The following CD164 variants were observed in gnomAD, a reference collection of about 807,000 sequenced individuals.
CD164 encodes CD164 molecule.
CD164 carries 11 observed loss-of-function variants against 24.6 expected under a neutral mutation model. That is an observed-to-expected ratio of 0.45 (90% CI 0.28 to 0.74). The LOEUF is 0.74. Among genes scored for constraint, CD164 ranks in the 30% least tolerant of loss-of-function variants. The pLI, the probability that CD164 is intolerant of heterozygous loss-of-function variation, is 0.13. For missense variants in CD164, 295 were observed against 243.7 expected (o/e 1.21, Z -1.40); for synonymous variants, 126 against 100.3 (o/e 1.26, Z -1.53).
intron 4 of CD164, chr6:109,372,890 A>G (rs551612723): frequency 6.6e-6 from 1 of 152,324 alleles, no homozygotes; most frequent in South Asian, 2.1e-4. Flanking sequence ...GGTAAAAACT[A>G]TTTCTTTTTA....
chr6:109,366,964 C>T lies in CD164; in HGVS notation c.*1887G>A, dbSNP rs865903860. ...TGACATGAATGTGTGTCAGGGAATT[C>T]ATACCCAGGTAAATGACAATTACAT... On this transcript the variant is annotated 3_prime_UTR_variant, in exon 6 of 6. Transcript: ENST00000310786. The T allele has an allele frequency of 6.6e-6, 1 of 152,316 alleles. No individual in the cohort carries two copies. Among genetic ancestry groups the T allele is most frequent in the Middle Eastern group, 3.4e-3 (1 of 294 alleles). 9.4% of individuals were successfully genotyped at this position (152,316 alleles called of 1,614,324 possible). A position where few individuals can be genotyped will look rare whatever the true frequency, so the allele number is the denominator to read the frequency against.
chr6:109,381,548 T>C (rs974408311), intron 1 of CD164: 3 of 702,622 alleles, frequency 4.3e-6, no homozygotes, highest in South Asian at 3.0e-5. Context: ...ACCCGGTACA[T>C]ACATGGGTAC....
chr6:109,382,062 T>C, intron 1 of CD164, 142 bp downstream of exon 1: 1 of 651,438 alleles, frequency 1.5e-6, no homozygotes, highest in Non-Finnish European at 2.2e-6. Context: ...CTGGCCGCCA[T>C]GTTGCCGGAG....
intron 4 of CD164, 22 bp from the exon 5 acceptor site, chr6:109,370,489 T>G (rs1479820847): frequency 6.2e-7 from 1 of 1,602,454 alleles, no homozygotes; most frequent in East Asian, 2.2e-5. Context: ...ACAAAATGTC[T>G]TTTTAAAAAA....
Position 109,370,125 on chromosome 6 carries a change from T to C in CD164, c.427+286A>G, listed in dbSNP as rs2275649. Among the ~76,000 whole-genome samples, 10,310 of 152,208 alleles carry C rather than the reference T, an allele frequency of 0.068. 427 individuals carry two copies. Among genetic ancestry groups the C allele is most frequent in the South Asian group, 0.14 (678 of 4,822 alleles). On this transcript the variant is annotated intron_variant, in intron 5 of 5. Coordinates refer to ENST00000310786, the MANE Select transcript of CD164 (RefSeq NM_006016.6). ...CTAACGGTAATCAGAAGTTACAAATTAGATTTTACATACAAGTTGTACTGA... is the reference window on the plus strand; with the variant it reads ...CTAACGGTAATCAGAAGTTACAAATCAGATTTTACATACAAGTTGTACTGA...
rs1771842024 is a variant in CD164, at chr6:109,382,464, G to A, written c.-86C>T. 3.8e-6 allele frequency: 5 copies of A among 1,311,360 alleles called. No individual in the cohort carries two copies. Among genetic ancestry groups the A allele is most frequent in the Admixed American group, 6.0e-5 (2 of 33,140 alleles). 81.2% of individuals were successfully genotyped at this position (1,311,360 alleles called of 1,614,324 possible). A position where few individuals can be genotyped will look rare whatever the true frequency, so the allele number is the denominator to read the frequency against. ...CAATCCCCTGCGGCGCCGCCTCCGA[G>A]ACTACGCTCCCCCGCGGGAGCGCGC... is the stretch of plus-strand genomic sequence containing the variant. On this transcript the variant is annotated 5_prime_UTR_variant, in exon 1 of 6. Transcript: ENST00000310786.
At chr6:109,374,232 C>A (rs1000223842) in intron 4 of CD164, among the ~76,000 whole-genome samples, 4 of 152,234 alleles carry the variant, frequency 2.6e-5, no homozygotes, top group South Asian at 2.1e-4. Context: ...TATTTTTAGC[C>A]AAGAGCTCTT....
intron 1 of CD164, 106 bp downstream of exon 1, chr6:109,382,089 AGCGCGGCCC>A: frequency 1.1e-6 from 1 of 927,940 alleles, no homozygotes; most frequent in Non-Finnish European, 1.4e-6. Flanking sequence ...CCGCACCCCG[AGCGCGGCCC>A]GCCCGCCCGA....
In CD164 at chr6:109,366,760, A is replaced by C. The variant is rs1184054667; in HGVS notation, c.*2091T>G. The stretch of plus-strand genomic sequence containing the variant: ...AAAAAAACCCAAAAATTAATGGCTC[A>C]AGATACTACATTGCTAAAGTTAGGG... On this transcript the variant is annotated 3_prime_UTR_variant, in exon 6 of 6. Transcript: ENST00000310786. 2.0e-5 allele frequency: 3 copies of C among 152,642 alleles called. No homozygotes were observed. The highest frequency in any genetic ancestry group is 4.4e-5 in the Non-Finnish European group (3 of 68,042). 9.5% of individuals were successfully genotyped at this position (152,642 alleles called of 1,614,324 possible).
rs1771615115 is a variant in CD164, at chr6:109,379,574, C to T, written c.259+5G>A. 1 of 1,601,344 alleles carries T rather than the reference C, an allele frequency of 6.2e-7. No individual in the cohort carries two copies. The highest frequency in any genetic ancestry group is 8.5e-7 in the Non-Finnish European group (1 of 1,174,124). On this transcript the variant is annotated splice_donor_5th_base_variant and intron_variant, in intron 2 of 5. Coordinates refer to ENST00000310786, the MANE Select transcript of CD164 (RefSeq NM_006016.6). Reference sequence around the variant, plus strand: ...AAACAGTTTTGCATCCCCAAAGTTTCTTACCTTTACATTCTATCCAAAAGC... The same window carrying T: ...AAACAGTTTTGCATCCCCAAAGTTTTTTACCTTTACATTCTATCCAAAAGC...
chr6:109,379,018 T>A (rs1199183902), intron 2 of CD164, among the ~76,000 whole-genome samples: 1 of 152,212 alleles, frequency 6.6e-6, no homozygotes, highest in African/African-American at 2.4e-5. Context: ...TCAATGTACG[T>A]CCCTTTAGCG....
chr6:109,374,813 G>A (rs1354898215), intron 4 of CD164, among the ~76,000 whole-genome samples: 1 of 152,078 alleles, frequency 6.6e-6, no homozygotes, highest in East Asian at 1.9e-4. Context: ...CACTTCAGAG[G>A]CTCTCTCCAA....
chr6:109,370,313 C>T (rs900426965), intron 5 of CD164, 98 bp downstream of exon 5: 12 of 940,010 alleles, frequency 1.3e-5, no homozygotes, highest in East Asian at 2.5e-5. Context: ...AGTTCCATAA[C>T]CATTAACGAA....
intron 1 of CD164, chr6:109,381,552 T>A (rs1313491764): frequency 2.8e-6 from 2 of 702,600 alleles, no homozygotes; most frequent in East Asian, 2.7e-5. Flanking sequence ...GGTACATACA[T>A]GGGTACTTTT....
chr6:109,370,360 A>C, intron 5 of CD164, 51 bp downstream of exon 5: 3 of 1,405,886 alleles, frequency 2.1e-6, no homozygotes, highest in Non-Finnish European at 3.0e-6. Flanking sequence ...TGTAAAGGGC[A>C]ACATCGTGCA....
chr6:109,382,274 A>C lies in CD164; in HGVS notation c.105T>G (p.Thr35=), dbSNP rs760727081. The C allele has an allele frequency of 6.3e-7, 1 of 1,590,082 alleles. No homozygotes were observed. Among genetic ancestry groups the C allele is most frequent in the South Asian group, 1.1e-5 (1 of 87,724 alleles). ...KNTTQHPNVT[T]LAPISNVTSA... ...AGGTTACGTTGGAGATGGGCGCTAAAGTCGTCACGTTCGGGTGCTGGGTCG... is the reference window on the plus strand; with the variant it reads ...AGGTTACGTTGGAGATGGGCGCTAACGTCGTCACGTTCGGGTGCTGGGTCG... Residue 35 remains threonine, a synonymous_variant, in exon 1 of 6, where the codon ACT becomes ACG. Coordinates refer to ENST00000310786, the MANE Select transcript of CD164 (RefSeq NM_006016.6).
intron 2 of CD164, among the ~76,000 whole-genome samples, chr6:109,378,194 C>G (rs889252306): frequency 6.6e-6 from 1 of 152,188 alleles, no homozygotes; most frequent in Admixed American, 6.5e-5. Context: ...TAACTTTTAT[C>G]CATTAAAAAT....
rs1048861219 is a variant in CD164 at position 109,377,956 on chromosome 6, G to A, written c.275C>T (p.Ser92Leu). The change falls in exon 3 of 6, where the codon TCA becomes TTA. Residue 92 changes from serine to leucine, a missense_variant. By Grantham distance (145) the Ser-to-Leu change is moderately radical. Coordinates refer to ENST00000310786, the MANE Select transcript of CD164 (RefSeq NM_006016.6). Reference sequence around the variant, plus strand: ...ACAATCACTAACTGTTGAGTTATGTGAACAATAGCTCTCATCTGTTGGGGG... The same window carrying A: ...ACAATCACTAACTGTTGAGTTATGTAAACAATAGCTCTCATCTGTTGGGGG... ...WIECKDESYC[S>L]HNSTVSDCQV... 86 of 1,613,292 alleles carry A rather than the reference G, an allele frequency of 5.3e-5. No individual in the cohort carries two copies. Among genetic ancestry groups the A allele is most frequent in the Non-Finnish European group, 7.3e-5 (86 of 1,179,626 alleles).
intron 3 of CD164, 81 bp downstream of exon 3, chr6:109,377,819 C>T (rs1226495904): frequency 7.4e-6 from 7 of 944,934 alleles, no homozygotes; most frequent in Middle Eastern, 2.1e-4. Context: ...TCAAACAAAG[C>T]ACTGAAACAA....
Sources: gnomAD v4.1 joint callset for allele counts (sites outside exome capture counted in the v4.1 genomes callset) on GRCh38, gnomAD v4.1.1 for gene constraint, MANE v1.5 for transcripts, NCBI Gene and HGNC (gene_info 2026-07-23, HGNC 2026-07-21) for gene names.